Variants in ATP10B observed in about 807,000 individuals in gnomAD.
ATP10B encodes phospholipid-transporting ATPase VB.
ATP10B carries 122 observed loss-of-function variants against 141.2 expected under a neutral mutation model. That is an observed-to-expected ratio of 0.86 (90% CI 0.75 to 1.00). ATP10B has a LOEUF of 1.00. Among genes scored for constraint, ATP10B ranks in the 50% least tolerant of loss-of-function variants. ATP10B has a pLI of 0.00. For synonymous variants in ATP10B, 685 were observed against 692.0 expected (o/e 0.99, Z 0.16); for missense variants, 1,876 against 1,825.3 (o/e 1.03, Z -0.51).
chr5:160,783,460 TATC>T (rs1770890967), intron 2 of ATP10B, among the ~76,000 whole-genome samples: 1 of 136,754 alleles, frequency 7.3e-6, no homozygotes, highest in Non-Finnish European at 1.6e-5. Flanking sequence ...TATATATATA[TATC>T]ATATATATAT....
chr5:160,731,066 A>G (rs1766708021), intron 2 of ATP10B, among the ~76,000 whole-genome samples: 1 of 152,202 alleles, frequency 6.6e-6, no homozygotes, highest in Admixed American at 6.5e-5. Flanking sequence ...CATTTAACCA[A>G]GAAAATAGTT....
At chr5:160,844,209 T>TAC (rs753005394) in intron 1 of ATP10B, among the ~76,000 whole-genome samples, 30 of 151,898 alleles carry the variant, frequency 2.0e-4, no homozygotes, top group East Asian at 1.5e-3. Context: ...TATATATATA[T>TAC]ACACACACAC....
chr5:160,839,331 G>C (rs1775677970), intron 1 of ATP10B, among the ~76,000 whole-genome samples: 1 of 152,084 alleles, frequency 6.6e-6, no homozygotes, highest in South Asian at 2.1e-4. Context: ...ATTAAGTGCA[G>C]AGTGGCAGAA....
intron 1 of ATP10B, among the ~76,000 whole-genome samples, chr5:160,788,792 C>T (rs1771360013): frequency 6.6e-6 from 1 of 152,034 alleles, no homozygotes; most frequent in African/African-American, 2.4e-5. Context: ...TAAATAAATC[C>T]CTGTGGAGCT....
chr5:160,696,146 G>T (rs1434349203), intron 3 of ATP10B, among the ~76,000 whole-genome samples: 2 of 151,732 alleles, frequency 1.3e-5, no homozygotes, highest in Non-Finnish European at 2.9e-5. Context: ...TCACTCTGTC[G>T]CCCAGGCTGG....
At chr5:160,744,546 C>G (rs958393062) in intron 2 of ATP10B, among the ~76,000 whole-genome samples, 2 of 152,124 alleles carry the variant, frequency 1.3e-5, no homozygotes, top group African/African-American at 4.8e-5. Context: ...TTACTTTTGT[C>G]TATACAAATA....
chr5:160,762,615 A>G (rs1769120700), intron 2 of ATP10B, among the ~76,000 whole-genome samples: 2 of 152,182 alleles, frequency 1.3e-5, no homozygotes, highest in African/African-American at 4.8e-5. Flanking sequence ...TCCTTAAAGC[A>G]TAAGTCTCAC....
At chr5:160,875,277 C>T in the ATP10B span, among the ~76,000 whole-genome samples, 3 of 68,168 alleles carry the variant, frequency 4.4e-5, no homozygotes, top group African/African-American at 1.1e-4. Flanking sequence ...TCATATCCAG[C>T]CAAACTAAGC....
chr5:160,691,028 A>G (rs1397950634), intron 3 of ATP10B, among the ~76,000 whole-genome samples: 1 of 152,208 alleles, frequency 6.6e-6, no homozygotes, highest in Non-Finnish European at 1.5e-5. Flanking sequence ...AGGCAGCCAT[A>G]AAAAAGGATG....
chr5:160,910,871 A>G, the ATP10B span, among the ~76,000 whole-genome samples: 3 of 152,134 alleles, frequency 2.0e-5, no homozygotes, highest in African/African-American at 4.8e-5. Context: ...TTGATCCTCA[A>G]TGTTAGAGGT....
intron 1 of ATP10B, among the ~76,000 whole-genome samples, chr5:160,806,509 A>C (rs746640762): frequency 2.6e-5 from 4 of 152,180 alleles, no homozygotes; most frequent in Non-Finnish European, 5.9e-5. Flanking sequence ...GCAAGCTGAG[A>C]GTGGGGTTTC....
chr5:160,845,948 A>G (rs1280726001), intron 1 of ATP10B, among the ~76,000 whole-genome samples: 2 of 152,174 alleles, frequency 1.3e-5, no homozygotes, highest in Non-Finnish European at 2.9e-5. Flanking sequence ...TATTGTTTTT[A>G]TGATCCATCT....
chr5:160,783,824 T>C (rs1426285310), intron 2 of ATP10B, among the ~76,000 whole-genome samples: 1 of 152,074 alleles, frequency 6.6e-6, no homozygotes, highest in Non-Finnish European at 1.5e-5. Context: ...TTTTCCATAG[T>C]GGTTGTACTA....
the ATP10B span, among the ~76,000 whole-genome samples, chr5:160,920,719 G>T: frequency 6.6e-6 from 1 of 152,216 alleles, no homozygotes; most frequent in South Asian, 2.1e-4. Context: ...CCCCGCTGCA[G>T]TGCTTCTCAC....
intron 24 of ATP10B, among the ~76,000 whole-genome samples, chr5:160,570,893 T>C (rs1402774921): frequency 1.2e-4 from 19 of 152,236 alleles, no homozygotes; most frequent in Admixed American, 1.2e-3. Flanking sequence ...ATGTGTTTAA[T>C]ATGGCATTCC....
the ATP10B span, among the ~76,000 whole-genome samples, chr5:160,876,565 C>T: frequency 6.9e-6 from 1 of 145,652 alleles, no homozygotes; most frequent in African/African-American, 2.5e-5. Context: ...TAGAGACACA[C>T]AAAACCCTTC....
chr5:160,655,733 T>C (rs1450238733), intron 7 of ATP10B, among the ~76,000 whole-genome samples: 4 of 152,164 alleles, frequency 2.6e-5, no homozygotes, highest in Non-Finnish European at 4.4e-5. Flanking sequence ...AGATCCCACA[T>C]TGGGCCAGTC....
At chr5:160,855,431 G>C (rs1753970954), upstream of ATP10B, among the ~76,000 whole-genome samples, 1 of 150,284 alleles carries the variant, frequency 6.7e-6, no homozygotes, top group African/African-American at 2.4e-5. Context: ...ATTTTGTTTG[G>C]TGAAATATTT....
At chr5:160,705,692 T>C (rs1764973370) in intron 3 of ATP10B, among the ~76,000 whole-genome samples, 2 of 152,356 alleles carry the variant, frequency 1.3e-5, no homozygotes, top group African/African-American at 2.4e-5. Flanking sequence ...TCCAGCTCTA[T>C]AAAACTTTCT....
Sources: allele counts gnomAD v4.1 joint callset (sites outside exome capture counted in the v4.1 genomes callset), GRCh38; gene constraint gnomAD v4.1.1; transcripts MANE v1.5; gene names NCBI Gene and HGNC (gene_info 2026-07-23, HGNC 2026-07-21).